Variants in MICU2 observed in about 807,000 individuals in gnomAD.
MICU2 encodes the protein calcium uptake protein 2, mitochondrial.
Under a neutral mutation model 60.4 loss-of-function variants are expected in MICU2, and 64 were observed. The ratio of observed to expected loss-of-function variants is 1.06; its 90% CI spans 0.87 to 1.31. The LOEUF (loss-of-function observed/expected upper bound fraction) is 1.31. MICU2 is among the 50% of genes most tolerant of loss of function. The pLI is 0.00. For synonymous variants in MICU2, 201 were observed against 175.0 expected (o/e 1.15, Z -1.17); for missense variants, 569 against 531.0 (o/e 1.07, Z -0.70).
chr13:21,528,794 T>C (rs79124293), intron 4 of MICU2, among the ~76,000 whole-genome samples: 2 of 152,100 alleles, frequency 1.3e-5, no homozygotes, highest in Non-Finnish European at 1.5e-5. Flanking sequence ...ATGATGAGAA[T>C]GCAGGGGAGG....
At chr13:21,597,540 T>C (rs1443528906) in intron 1 of MICU2, among the ~76,000 whole-genome samples, 2 of 152,292 alleles carry the variant, frequency 1.3e-5, no homozygotes, top group East Asian at 3.9e-4. Context: ...GATGTGACAT[T>C]ATGTGACTGC....
At chr13:21,552,485 T>G (rs1217035924) in intron 2 of MICU2, among the ~76,000 whole-genome samples, 2 of 152,256 alleles carry the variant, frequency 1.3e-5, no homozygotes, top group Non-Finnish European at 2.9e-5. Flanking sequence ...TTTGGTGTTT[T>G]AGACATGAAG....
chr13:21,532,333 A>C (rs190707267), intron 4 of MICU2, among the ~76,000 whole-genome samples: 164 of 152,318 alleles, frequency 1.1e-3, no homozygotes, highest in African/African-American at 3.7e-3. Context: ...CTGCTCTTTG[A>C]AATTCCAACT....
rs67873561 is a variant in MICU2, at chr13:21,560,623, A to AACAC, written c.358+6170_358+6173dup. Among the ~76,000 whole-genome samples, 999 of 134,998 alleles carry AACAC rather than the reference A, an allele frequency of 7.4e-3. 5 individuals carry two copies. The highest frequency in any genetic ancestry group is 0.021 in the African/African-American group (846 of 40,048). The allele number at this position is 134,998 out of a possible 152,430, so 88.6% of individuals were successfully genotyped here. A position where few individuals can be genotyped will look rare whatever the true frequency, so the allele number is the denominator to read the frequency against. On this transcript the variant is annotated intron_variant, in intron 2 of 11. Coordinates refer to ENST00000382374, the MANE Select transcript of MICU2 (RefSeq NM_152726.3). ...AAATTTTCAAATCAGCTTGTCAAAA[A>AACAC]ACACACACACACACACACACACGTG...
intron 1 of MICU2, among the ~76,000 whole-genome samples, chr13:21,591,877 AT>A (rs1344511914): frequency 6.6e-6 from 1 of 152,200 alleles, no homozygotes; most frequent in East Asian, 1.9e-4. Context: ...TAAAGGGGAA[AT>A]TTATAGCACT....
intron 9 of MICU2, among the ~76,000 whole-genome samples, chr13:21,502,380 T>C (rs1011641003): frequency 2.0e-5 from 3 of 152,168 alleles, no homozygotes; most frequent in Admixed American, 6.6e-5. Context: ...TATTAATAGC[T>C]TGGCAATCAT....
intron 2 of MICU2, among the ~76,000 whole-genome samples, chr13:21,543,550 T>A (rs1887333714): frequency 6.6e-6 from 1 of 151,916 alleles, no homozygotes; most frequent in African/African-American, 2.4e-5. Context: ...CAAGAAGCAA[T>A]CCATTTGCAA....
At chr13:21,562,359 A>G (rs762197456) in intron 2 of MICU2, among the ~76,000 whole-genome samples, 2 of 152,218 alleles carry the variant, frequency 1.3e-5, no homozygotes, top group Non-Finnish European at 2.9e-5. Context: ...AACCACATGC[A>G]TAAAATACAT....
chr13:21,568,814 A>C (rs1888040230), intron 1 of MICU2, among the ~76,000 whole-genome samples: 1 of 149,358 alleles, frequency 6.7e-6, no homozygotes. Flanking sequence ...TCTTACAGCA[A>C]GACATGAAAA....
At chr13:21,549,024 T>TC (rs1386443107) in intron 2 of MICU2, among the ~76,000 whole-genome samples, 4 of 150,650 alleles carry the variant, frequency 2.7e-5, no homozygotes, top group Non-Finnish European at 5.9e-5. Flanking sequence ...CCTCCTGGGT[T>TC]ACACCATTCT....
intron 1 of MICU2, among the ~76,000 whole-genome samples, chr13:21,568,663 T>C (rs113679176): frequency 4.6e-5 from 7 of 152,286 alleles, no homozygotes; most frequent in African/African-American, 1.7e-4. Context: ...TTTATCCCTG[T>C]CCTCTACTGG....
chr13:21,604,064 C>T lies in MICU2; in HGVS notation c.85G>A (p.Val29Met), dbSNP rs2138086152. Residue 29 changes from valine to methionine, a missense_variant, in exon 1 of 12, where the codon GTG becomes ATG. Coordinates refer to ENST00000382374, the MANE Select transcript of MICU2 (RefSeq NM_152726.3). ...GCTGCCAAGGGGCCGGGACTCCGCACAGCCTGTCGGCTGACAGCGAGCCCC... is the reference window on the plus strand; with the variant it reads ...GCTGCCAAGGGGCCGGGACTCCGCATAGCCTGTCGGCTGACAGCGAGCCCC... ...RRGLAVSRQA[V>M]RSPGPLAAAV... 6.2e-7 allele frequency: 1 copy of T among 1,603,098 alleles called. No individual in the cohort carries two copies.
At chr13:21,530,931 C>T in intron 4 of MICU2, 1 of 763,048 alleles carries the variant, frequency 1.3e-6, no homozygotes, top group South Asian at 1.4e-5. Flanking sequence ...AGAATGTTGG[C>T]CCCAATCCTG....
intron 1 of MICU2, among the ~76,000 whole-genome samples, chr13:21,589,553 T>C (rs909375284): frequency 1.3e-5 from 2 of 152,234 alleles, no homozygotes; most frequent in African/African-American, 2.4e-5. Context: ...AAAGAATCAA[T>C]ATGTCAGTAT....
intron 4 of MICU2, among the ~76,000 whole-genome samples, chr13:21,523,672 C>G (rs190221891): frequency 6.6e-6 from 1 of 152,132 alleles, no homozygotes; most frequent in African/African-American, 2.4e-5. Context: ...CAGGGATGGG[C>G]AAGTAGCTCA....
intron 5 of MICU2, 138 bp downstream of exon 5, chr13:21,522,465 T>C (rs971189032): frequency 9.5e-6 from 6 of 630,004 alleles, no homozygotes; most frequent in African/African-American, 5.7e-5. Flanking sequence ...AATCCAACAT[T>C]ATCATTTTGC....
chr13:21,600,264 T>C (rs753414702), intron 1 of MICU2, among the ~76,000 whole-genome samples: 6 of 152,204 alleles, frequency 3.9e-5, no homozygotes, highest in Admixed American at 6.5e-5. Context: ...CAGCTCTTAC[T>C]CTGCTGAGTC....
intron 4 of MICU2, 107 bp from the exon 5 acceptor site, chr13:21,522,757 T>C: frequency 1.3e-6 from 1 of 766,442 alleles, no homozygotes; most frequent in Non-Finnish European, 2.0e-6. Flanking sequence ...TTACTTTAAA[T>C]TACCTCTCTT....
chr13:21,516,031 G>GT (rs1452460953), intron 6 of MICU2, among the ~76,000 whole-genome samples: 2 of 152,144 alleles, frequency 1.3e-5, no homozygotes, highest in Non-Finnish European at 2.9e-5. Context: ...AAGTCACCAT[G>GT]TAAACATTAT....
Sources: allele counts gnomAD v4.1 joint callset (sites outside exome capture counted in the v4.1 genomes callset), GRCh38; gene constraint gnomAD v4.1.1; transcripts MANE v1.5; gene names NCBI Gene and HGNC (gene_info 2026-07-23, HGNC 2026-07-21).